Variants in COX10 observed in about 807,000 individuals in gnomAD.
The protein encoded by COX10 is cytochrome c oxidase assembly factor heme A:farnesyltransferase COX10.
COX10 carries 27 observed loss-of-function variants against 37.3 expected under a neutral mutation model. The ratio of observed to expected loss-of-function variants is 0.72; its 90% CI spans 0.53 to 1.00. COX10 has a LOEUF of 1.00. Ranked by LOEUF, COX10 falls within the 50% of genes least tolerant of loss-of-function variation. COX10 has a pLI of 0.00. For missense variants in COX10, 475 were observed against 563.2 expected (o/e 0.84, Z 1.59); for synonymous variants, 222 against 229.1 (o/e 0.97, Z 0.28).
chr17:14,112,513 C>T (rs183453427), intron 4 of COX10, among the ~76,000 whole-genome samples: 1 of 152,250 alleles, frequency 6.6e-6, no homozygotes, highest in East Asian at 1.9e-4. Context: ...AAGATTGGTT[C>T]CTACTCTGAA....
intron 5 of COX10, among the ~76,000 whole-genome samples, chr17:14,176,575 A>G (rs1167571591): frequency 6.6e-6 from 1 of 152,186 alleles, no homozygotes; most frequent in East Asian, 1.9e-4. Context: ...GTGATTCTCA[A>G]ACTCTAGTGA....
At position 14,074,145 on chromosome 17, in the gene COX10, G is replaced by A. The variant is rs11870213; in HGVS notation, c.44-178G>A. On this transcript the variant is annotated intron_variant, in intron 1 of 6. Transcript: ENST00000261643. ...AGACCTACACGGACTTAAACAATGA[G>A]TAGGGCTGGTAAATTGCATTTATTC... is the stretch of plus-strand genomic sequence containing the variant. Among the ~76,000 whole-genome samples the A allele has an allele frequency of 0.4, 61,092 of 151,952 alleles. 12,342 individuals are homozygous for A. The highest frequency in any genetic ancestry group is 0.49 in the East Asian group (2,522 of 5,160).
intron 6 of COX10, among the ~76,000 whole-genome samples, chr17:14,192,556 T>C (rs570183442): frequency 6.6e-6 from 1 of 152,290 alleles, no homozygotes; most frequent in East Asian, 1.9e-4. Context: ...AACGAATTCA[T>C]GGGGCGGGGA....
At chr17:14,152,014 A>G (rs2142233833) in intron 4 of COX10, among the ~76,000 whole-genome samples, 1 of 152,334 alleles carries the variant, frequency 6.6e-6, no homozygotes, top group South Asian at 2.1e-4. Context: ...ATGAATTCAC[A>G]TATCTCAGGA....
intron 5 of COX10, among the ~76,000 whole-genome samples, chr17:14,167,948 C>T (rs1479478307): frequency 6.6e-6 from 1 of 152,226 alleles, no homozygotes; most frequent in Non-Finnish European, 1.5e-5. Context: ...GCCTTCCCAA[C>T]AGTCCCTCAA....
At chr17:14,119,765 G>A (rs556951190) in intron 4 of COX10, among the ~76,000 whole-genome samples, 15 of 152,304 alleles carry the variant, frequency 9.8e-5, no homozygotes, top group African/African-American at 3.6e-4. Context: ...GACAGAGACA[G>A]AAAGGAGAGT....
intron 5 of COX10, among the ~76,000 whole-genome samples, chr17:14,183,155 CA>C (rs1391014715): frequency 6.7e-6 from 1 of 149,864 alleles, no homozygotes; most frequent in African/African-American, 2.5e-5. Flanking sequence ...AGAAAAATCT[CA>C]AGCAGTGATG....
intron 4 of COX10, among the ~76,000 whole-genome samples, chr17:14,147,686 A>AC: frequency 6.6e-6 from 1 of 151,882 alleles, no homozygotes. Flanking sequence ...GGGGATGGAT[A>AC]CCCCATTTTC....
intron 4 of COX10, among the ~76,000 whole-genome samples, chr17:14,137,639 A>G (rs1904413420): frequency 6.6e-6 from 1 of 152,060 alleles, no homozygotes; most frequent in South Asian, 2.1e-4. Context: ...AATTTTAAGA[A>G]TAGTGTTGTT....
intron 4 of COX10, among the ~76,000 whole-genome samples, chr17:14,122,309 G>C (rs562801657): frequency 6.6e-6 from 1 of 151,990 alleles, no homozygotes; most frequent in Non-Finnish European, 1.5e-5. Flanking sequence ...TTGTGATCAG[G>C]GTCCTTATGC....
At chr17:14,143,984 T>C (rs1449739774) in intron 4 of COX10, among the ~76,000 whole-genome samples, 1 of 152,136 alleles carries the variant, frequency 6.6e-6, no homozygotes, top group South Asian at 2.1e-4. Context: ...TGTTGTGTCC[T>C]TCCAAGAGAA....
intron 2 of COX10, 70 bp from the exon 3 acceptor site, chr17:14,076,665 A>G: frequency 7.1e-7 from 1 of 1,400,398 alleles, no homozygotes; most frequent in South Asian, 1.2e-5. Context: ...CTGATTGAAG[A>G]TGTTGCTAAA....
At chr17:14,189,266 T>C (rs1440247795) in intron 5 of COX10, among the ~76,000 whole-genome samples, 21 of 152,166 alleles carry the variant, frequency 1.4e-4, no homozygotes, top group African/African-American at 4.1e-4. Context: ...TTGAGACGTC[T>C]ATGGTATTGG....
Position 14,191,185 on chromosome 17 carries a change from T to C in COX10, c.696-804T>C, listed in dbSNP as rs1436277882. On this transcript the variant is annotated intron_variant, in intron 5 of 6. Coordinates refer to ENST00000261643, the MANE Select transcript of COX10 (RefSeq NM_001303.4). ...TCTCAAAAAGCCTTTCACAAGATTC[T>C]ATACAAAGTCTACTTTTAGAAGTTG... Among the ~76,000 whole-genome samples the C allele has an allele frequency of 6.0e-4, 91 of 152,030 alleles. No individual in the cohort carries two copies. In the East Asian group the frequency reaches 0.014, roughly 24 times the overall value.
Position 14,069,577 on chromosome 17 carries a change from C to G in COX10, c.-29C>G, listed in dbSNP as rs373184679. 1.1e-5 allele frequency: 17 copies of G among 1,613,508 alleles called. No individual in the cohort carries two copies. Among genetic ancestry groups the G allele is most frequent in the Non-Finnish European group, 1.4e-5 (16 of 1,179,872 alleles). On this transcript the variant is annotated 5_prime_UTR_variant, in exon 1 of 7. In the 5' UTR this introduces an upstream ATG that the reference lacks. Transcript: ENST00000261643. ...CCGTGAGGAGAGAGGACACAGGGAT[C>G]CCGGGGAGCGGCCCCAGACTCGTAA...
intron 6 of COX10, among the ~76,000 whole-genome samples, chr17:14,205,254 C>A (rs1477812263): frequency 6.6e-6 from 1 of 152,140 alleles, no homozygotes; most frequent in Admixed American, 6.5e-5. Context: ...ACCTTCCAGC[C>A]CCAAGGCCTT....
chr17:14,108,813 T>A (rs1023008386), intron 4 of COX10, among the ~76,000 whole-genome samples: 7 of 152,266 alleles, frequency 4.6e-5, no homozygotes, highest in African/African-American at 1.7e-4. Flanking sequence ...GAGATTAATA[T>A]CTAATGCATT....
intron 4 of COX10, among the ~76,000 whole-genome samples, chr17:14,144,211 C>T (rs1437004870): frequency 6.6e-6 from 1 of 151,894 alleles, no homozygotes; most frequent in Non-Finnish European, 1.5e-5. Flanking sequence ...GTGGTATAAC[C>T]TTTTCTTTTT....
intron 4 of COX10, among the ~76,000 whole-genome samples, chr17:14,108,961 A>T (rs538984379): frequency 6.6e-6 from 1 of 152,280 alleles, no homozygotes; most frequent in African/African-American, 2.4e-5. Flanking sequence ...GGAGAATAAG[A>T]CTTATGTTAG....
Sources: gnomAD v4.1 joint callset for allele counts (sites outside exome capture counted in the v4.1 genomes callset) on GRCh38, gnomAD v4.1.1 for gene constraint, MANE v1.5 for transcripts, NCBI Gene and HGNC (gene_info 2026-07-23, HGNC 2026-07-21) for gene names.